Variants in HDAC8 observed in about 807,000 individuals in gnomAD.
The protein encoded by HDAC8 is histone deacetylase 8.
In HDAC8, 1 loss-of-function variant was observed where a neutral mutation model predicts 32.2. The observed-to-expected ratio is 0.03, with a 90% CI of 0.01 to 0.15. The LOEUF (loss-of-function observed/expected upper bound fraction) is 0.15, where lower values mean the gene tolerates loss of function less well. Among genes scored for constraint, HDAC8 ranks in the 10% least tolerant of loss-of-function variants. The pLI, the probability that HDAC8 is intolerant of heterozygous loss-of-function variation, is 1.00. For missense variants in HDAC8, 117 were observed against 300.0 expected, an observed-to-expected ratio of 0.39 and a Z score of 4.51; for synonymous variants, 108 against 113.9, an observed-to-expected ratio of 0.95 and a Z score of 0.33.
At chrX:72,383,402 C>T (rs1023448709) in intron 9 of HDAC8, among the ~76,000 whole-genome samples, 2 of 112,086 alleles carry the variant, frequency 1.8e-5, no homozygotes, top group South Asian at 7.5e-4. Context: ...ATAATTTACA[C>T]TAATAGTAAA....
intron 9 of HDAC8, among the ~76,000 whole-genome samples, chrX:72,440,789 G>A (rs2047111558): frequency 8.9e-6 from 1 of 112,116 alleles, no homozygotes; most frequent in East Asian, 2.8e-4. Flanking sequence ...TCAAAGAAAG[G>A]GGTGACAGAC....
chrX:72,506,785 G>A lies in HDAC8; in HGVS notation c.438-11517C>T, dbSNP rs782137840. 6.4e-4 allele frequency among the ~76,000 whole-genome samples: 71 copies of A among 111,499 alleles called. 1 individual carries two copies. The highest frequency in any genetic ancestry group is 2.0e-3 in the African/African-American group (62 of 30,701). ...TGGAAAAGTTCTCTTCCACTGATGC[G>A]TTGGAATCCACTGGACTGGTTACTT... On this transcript the variant is annotated intron_variant, in intron 4 of 10. Coordinates refer to ENST00000373573, the MANE Select transcript of HDAC8 (RefSeq NM_018486.3).
chrX:72,425,032 C>A (rs144901954), intron 9 of HDAC8, among the ~76,000 whole-genome samples: 3 of 111,738 alleles, frequency 2.7e-5, no homozygotes, highest in East Asian at 5.6e-4. Flanking sequence ...CATTGATATA[C>A]CAGTACCCAC....
intron 9 of HDAC8, among the ~76,000 whole-genome samples, chrX:72,439,589 C>G (rs2047056663): frequency 1.2e-5 from 1 of 84,855 alleles, no homozygotes; most frequent in Non-Finnish European, 2.1e-5. Flanking sequence ...CAAAGACACA[C>G]ATAGGCTCAA....
chrX:72,520,843 T>C (rs925429128), intron 4 of HDAC8, among the ~76,000 whole-genome samples: 1 of 112,021 alleles, frequency 8.9e-6, no homozygotes, highest in Non-Finnish European at 1.9e-5. Context: ...TTCTGAAGAG[T>C]CCAGGCTAGT....
intron 9 of HDAC8, among the ~76,000 whole-genome samples, chrX:72,456,490 TC>T (rs2047721258): frequency 2.7e-5 from 3 of 111,288 alleles, no homozygotes; most frequent in Admixed American, 9.6e-5. Context: ...AAAAGTTGAC[TC>T]TAATAAGTTA....
chrX:72,392,494 G>T (rs1369895053), intron 9 of HDAC8, among the ~76,000 whole-genome samples: 9 of 105,196 alleles, frequency 8.6e-5, no homozygotes, highest in African/African-American at 3.7e-4. Context: ...CACAGGAAAG[G>T]ATCCCAAAGA....
At position 72,517,459 on chromosome X, in the gene HDAC8, C is replaced by CT. The variant is rs782333592; in HGVS notation, c.438-22192dup. ...TTGATGGTCAATTTATCTATATTTTCTTTTTTTTTGTACTTTCTGTGACAT... is the reference window on the plus strand; with the variant it reads ...TTGATGGTCAATTTATCTATATTTTCTTTTTTTTTTGTACTTTCTGTGACAT... On this transcript the variant is annotated intron_variant, in intron 4 of 10. Transcript: ENST00000373573. 1.5e-4 allele frequency among the ~76,000 whole-genome samples: 16 copies of CT among 110,074 alleles called. 1 individual carries two copies. The South Asian group carries it at 3.8e-3, about 26-fold the overall frequency.
intron 9 of HDAC8, among the ~76,000 whole-genome samples, chrX:72,404,400 C>A (rs940873875): frequency 9.0e-5 from 10 of 111,393 alleles, no homozygotes; most frequent in Non-Finnish European, 1.7e-4. Flanking sequence ...TCCATGACAA[C>A]ATGACTTGCT....
At chrX:72,355,290 AAATGGGCAAGCAGC>A (rs2044301296) in intron 9 of HDAC8, among the ~76,000 whole-genome samples, 1 of 112,162 alleles carries the variant, frequency 8.9e-6, no homozygotes, top group Non-Finnish European at 1.9e-5. Context: ...AGAGGAAAGG[AAATGGGCAAGCAGC>A]AATCCCATTC....
chrX:72,414,170 C>A (rs1555971096), intron 9 of HDAC8, among the ~76,000 whole-genome samples: 2 of 112,450 alleles, frequency 1.8e-5, no homozygotes, highest in Non-Finnish European at 3.8e-5. Context: ...TTGTTCAGTG[C>A]TTTTACCTTT....
intron 10 of HDAC8, among the ~76,000 whole-genome samples, chrX:72,334,680 A>G (rs1035416611): frequency 1.1e-4 from 12 of 112,369 alleles, no homozygotes; most frequent in African/African-American, 3.9e-4. Flanking sequence ...AGGCATTAAG[A>G]TGAGTGGCCA....
chrX:72,339,003 G>A (rs2043813914), intron 10 of HDAC8, among the ~76,000 whole-genome samples: 1 of 111,022 alleles, frequency 9.0e-6, no homozygotes, highest in Admixed American at 9.7e-5. Context: ...ACATTTTAAA[G>A]CATACGTTAA....
intron 9 of HDAC8, among the ~76,000 whole-genome samples, chrX:72,375,227 ATC>A (rs781961704): frequency 1.1e-4 from 12 of 109,923 alleles, no homozygotes; most frequent in Non-Finnish European, 1.3e-4. Flanking sequence ...CAAATAGGAT[ATC>A]TCTCTCTCTC....
intron 9 of HDAC8, among the ~76,000 whole-genome samples, chrX:72,419,633 C>T (rs2046432669): frequency 9.0e-6 from 1 of 111,493 alleles, no homozygotes; most frequent in Non-Finnish European, 1.9e-5. Context: ...TCTGGATAGA[C>T]CTTCCAGTAC....
intron 9 of HDAC8, among the ~76,000 whole-genome samples, chrX:72,423,640 T>C (rs2046554159): frequency 8.9e-6 from 1 of 112,531 alleles, no homozygotes; most frequent in Non-Finnish European, 1.9e-5. Flanking sequence ...TTATGACTAC[T>C]TTTACTTCCT....
chrX:72,495,461 A>T (rs2048992473), intron 4 of HDAC8, among the ~76,000 whole-genome samples, 193 bp from the exon 5 acceptor site: 1 of 112,169 alleles, frequency 8.9e-6, no homozygotes, highest in African/African-American at 3.2e-5. Context: ...AGTAAAGTAA[A>T]TATTTGGGTA....
At chrX:72,435,462 T>C (rs1220372311) in intron 9 of HDAC8, among the ~76,000 whole-genome samples, 1 of 111,307 alleles carries the variant, frequency 9.0e-6, no homozygotes, top group Non-Finnish European at 1.9e-5. Context: ...TGGAATCACC[T>C]GACAAGAGCT....
intron 9 of HDAC8, among the ~76,000 whole-genome samples, chrX:72,353,239 A>G (rs1023666941): frequency 8.9e-6 from 1 of 112,316 alleles, no homozygotes; most frequent in African/African-American, 3.2e-5. Flanking sequence ...TGTAGATTCC[A>G]TGGAAGTAAC....
Sources: allele counts gnomAD v4.1 joint callset (sites outside exome capture counted in the v4.1 genomes callset), GRCh38; gene constraint gnomAD v4.1.1; transcripts MANE v1.5; gene names NCBI Gene and HGNC (gene_info 2026-07-23, HGNC 2026-07-21).